Variants in PLB1 observed in about 807,000 individuals in gnomAD.
PLB1 encodes phospholipase B1, membrane-associated.
In PLB1, 242 loss-of-function variants were observed where a neutral mutation model predicts 227.4. The ratio of observed to expected loss-of-function variants is 1.06; its 90% CI spans 0.96 to 1.18. PLB1 has a LOEUF of 1.18. Ranked by LOEUF, PLB1 falls within the 50% of genes most tolerant of loss-of-function variation. The probability of loss-of-function intolerance (pLI) is 0.00; values close to 1 mark genes in which losing one functional copy is unlikely to be tolerated. For missense variants in PLB1, 1,858 were observed against 1,816.3 expected (o/e 1.02, Z -0.42); for synonymous variants, 757 against 682.2 (o/e 1.11, Z -1.71).
Position 28,520,210 on chromosome 2 carries a change from G to A in PLB1, c.243+447G>A, listed in dbSNP as rs556791075. The stretch of plus-strand genomic sequence containing the variant: ...CCCAAAGTGCTGGGATTACAGGCGT[G>A]AGCCACTGCGCCCAGCCGAATCTTT... On this transcript the variant is annotated intron_variant, in intron 4 of 57. Coordinates refer to ENST00000327757, the MANE Select transcript of PLB1 (RefSeq NM_153021.5). Among the ~76,000 whole-genome samples the A allele has an allele frequency of 2.2e-4, 33 of 148,466 alleles. No homozygotes were observed. The South Asian group carries it at 7.1e-3, about 32-fold the overall frequency.
At chr2:28,612,580 A>G (rs1306079020) in intron 43 of PLB1, among the ~76,000 whole-genome samples, 1 of 151,108 alleles carries the variant, frequency 6.6e-6, no homozygotes, top group Admixed American at 6.6e-5. Flanking sequence ...GTATGAGACG[A>G]GATCACTTTT....
In PLB1 at chr2:28,590,070, G is replaced by A. The variant is rs79380941; in HGVS notation, c.2082G>A (p.Pro694=). The A allele has an allele frequency of 1.4e-5, 22 of 1,611,304 alleles. No individual in the cohort carries two copies. The Admixed American group carries it at 2.2e-4, about 16-fold the overall frequency. ...AAAACAAGATCAATATCACATGTCC[G>A]AACCAGGTAGAGTGGAAAGCACGTC... The part of the protein sequence containing the change: ...KFENKINITC[P]NQVQPFLRTY... Residue 694 remains proline (P), a synonymous_variant, in exon 29 of 58, where the codon CCG becomes CCA. Transcript: ENST00000327757.
At chr2:28,497,350 G>T (rs151028673) in intron 1 of PLB1, among the ~76,000 whole-genome samples, 1 of 152,226 alleles carries the variant, frequency 6.6e-6, no homozygotes, top group African/African-American at 2.4e-5. Context: ...TTCAGAGCTC[G>T]CTGTAGCGAG....
intron 14 of PLB1, among the ~76,000 whole-genome samples, chr2:28,545,630 G>C: frequency 6.6e-6 from 1 of 152,160 alleles, no homozygotes; most frequent in East Asian, 1.9e-4. Flanking sequence ...AGCACCCAAG[G>C]GTTTGTGAAA....
chr2:28,531,890 G>A (rs1189965583), intron 8 of PLB1, among the ~76,000 whole-genome samples: 1 of 151,946 alleles, frequency 6.6e-6, no homozygotes, highest in Admixed American at 6.6e-5. Context: ...AGATCAAAAG[G>A]TGTGTCTTTT....
At chr2:28,552,797 G>A in intron 16 of PLB1, 131 bp from the exon 17 acceptor site, 1 of 719,252 alleles carries the variant, frequency 1.4e-6, no homozygotes, top group Non-Finnish European at 2.4e-6. Flanking sequence ...GAAGGAGAGG[G>A]AGAAATCTTA....
intron 26 of PLB1, among the ~76,000 whole-genome samples, chr2:28,588,484 G>A (rs1312899376): frequency 6.6e-6 from 1 of 152,142 alleles, no homozygotes; most frequent in Non-Finnish European, 1.5e-5. Context: ...ATTGACCCTG[G>A]GAAAAGACAG....
intron 56 of PLB1, among the ~76,000 whole-genome samples, chr2:28,638,429 G>A (rs1689613680): frequency 6.6e-6 from 1 of 152,104 alleles, no homozygotes; most frequent in African/African-American, 2.4e-5. Context: ...CAGGTCCCTA[G>A]ATGCTTCTAA....
chr2:28,581,287 A>G (rs1679891024), intron 23 of PLB1, among the ~76,000 whole-genome samples: 1 of 151,964 alleles, frequency 6.6e-6, no homozygotes, highest in Non-Finnish European at 1.5e-5. Flanking sequence ...GTGTGCTTTC[A>G]TACATGTAGG....
intron 17 of PLB1, among the ~76,000 whole-genome samples, chr2:28,560,212 A>G (rs1326556834): frequency 6.6e-6 from 1 of 152,156 alleles, no homozygotes; most frequent in Non-Finnish European, 1.5e-5. Flanking sequence ...CTATTTCAAT[A>G]ATTTAGTGCA....
At chr2:28,622,155 A>G (rs972256141) in intron 49 of PLB1, among the ~76,000 whole-genome samples, 1 of 152,230 alleles carries the variant, frequency 6.6e-6, no homozygotes, top group Non-Finnish European at 1.5e-5. Context: ...ACTTTCCTTT[A>G]TCTCTATTCT....
At chr2:28,530,570 G>T (rs1670884974) in intron 8 of PLB1, among the ~76,000 whole-genome samples, 1 of 152,142 alleles carries the variant, frequency 6.6e-6, no homozygotes. Flanking sequence ...TGGGTGCCTT[G>T]GTACCACTCT....
At chr2:28,565,100 C>T (rs1676658254) in intron 18 of PLB1, among the ~76,000 whole-genome samples, 180 bp from the exon 19 acceptor site, 2 of 152,170 alleles carry the variant, frequency 1.3e-5, no homozygotes. Context: ...CCAGTGGGCA[C>T]TCTCACTCAT....
chr2:28,539,098 G>T lies in PLB1; in HGVS notation c.619-1G>T. On this transcript the variant is annotated splice_acceptor_variant, in intron 10 of 57. Coordinates refer to ENST00000327757, the MANE Select transcript of PLB1 (RefSeq NM_153021.5). LOFTEE classifies it high-confidence loss of function. Reference sequence around the variant, plus strand: ...ACCTCCCTCTCTGTGTGTCCTCCTAGGTCCCCAGAGCATTTGTAAACCTGG... The same window carrying T: ...ACCTCCCTCTCTGTGTGTCCTCCTATGTCCCCAGAGCATTTGTAAACCTGG... 6.2e-7 allele frequency: 1 copy of T among 1,612,666 alleles called. No individual in the cohort carries two copies. The highest frequency in any genetic ancestry group is 8.5e-7 in the Non-Finnish European group (1 of 1,178,618).
intron 9 of PLB1, among the ~76,000 whole-genome samples, chr2:28,537,678 AAAAG>A (rs1229985706): frequency 1.3e-5 from 2 of 151,744 alleles, no homozygotes; most frequent in Non-Finnish European, 2.9e-5. Flanking sequence ...AAAAAAAAAA[AAAAG>A]GTAAAGCAGG....
intron 11 of PLB1, 127 bp from the exon 12 acceptor site, chr2:28,540,239 T>C (rs961339625): frequency 5.9e-5 from 43 of 730,394 alleles, no homozygotes; most frequent in Non-Finnish European, 7.9e-5. Context: ...CTAAGACTTA[T>C]GCTTCTTCAT....
chr2:28,610,869 T>C (rs1452137539), intron 43 of PLB1, among the ~76,000 whole-genome samples: 1 of 147,956 alleles, frequency 6.8e-6, no homozygotes, highest in Non-Finnish European at 1.5e-5. Context: ...CGGTTCCTTG[T>C]TCTGCCATTC....
chr2:28,603,047 G>A, intron 39 of PLB1, 126 bp downstream of exon 39: 1 of 786,058 alleles, frequency 1.3e-6, no homozygotes, highest in South Asian at 1.7e-5. Flanking sequence ...TGTAAAGGAG[G>A]ACTTCTGCCA....
chr2:28,519,590 C>G (rs552042796), intron 3 of PLB1, 115 bp from the exon 4 acceptor site: 2 of 749,886 alleles, frequency 2.7e-6, no homozygotes, highest in Admixed American at 4.2e-5. Flanking sequence ...CAGACTGGAC[C>G]TCCGCAGCTG....
Sources: gnomAD v4.1 joint callset for allele counts (sites outside exome capture counted in the v4.1 genomes callset) on GRCh38, gnomAD v4.1.1 for gene constraint, MANE v1.5 for transcripts, NCBI Gene and HGNC (gene_info 2026-07-23, HGNC 2026-07-21) for gene names.